Variants in ARHGAP29 observed in about 807,000 individuals in gnomAD.
ARHGAP29 encodes rho GTPase-activating protein 29.
In ARHGAP29, 43 loss-of-function variants were observed where a neutral mutation model predicts 122.6. The observed-to-expected ratio is 0.35, with a 90% confidence interval of 0.27 to 0.45. The LOEUF (loss-of-function observed/expected upper bound fraction) is 0.45, where lower values mean the gene tolerates loss of function less well. Ranked by LOEUF, ARHGAP29 falls within the 20% of genes least tolerant of loss-of-function variation. The pLI is 1.00. For synonymous variants in ARHGAP29, 506 were observed against 497.1 expected (o/e 1.02, Z -0.24); for missense variants, 1,303 against 1,477.2 (o/e 0.88, Z 1.93).
chr1:94,220,527 C>A (rs1230086231), intron 2 of ARHGAP29, 135 bp from the exon 3 acceptor site: 27 of 655,274 alleles, frequency 4.1e-5, no homozygotes, highest in Non-Finnish European at 6.0e-5. Flanking sequence ...TCATTTATAT[C>A]TTCACTGCTG....
At chr1:94,271,289 T>C (rs1378076115) in intron 1 of ARHGAP29, among the ~76,000 whole-genome samples, 4 of 152,208 alleles carry the variant, frequency 2.6e-5, no homozygotes, top group East Asian at 3.9e-4. Context: ...ATAAGCAAGA[T>C]GGAACCAAAG....
intron 1 of ARHGAP29, among the ~76,000 whole-genome samples, chr1:94,246,274 C>T (rs1409965353): frequency 6.6e-6 from 1 of 152,152 alleles, no homozygotes; most frequent in Non-Finnish European, 1.5e-5. Flanking sequence ...GAAATCACTA[C>T]AGAAAGGGAC....
At chr1:94,283,035 A>T in the ARHGAP29 span, among the ~76,000 whole-genome samples, 1 of 152,180 alleles carries the variant, frequency 6.6e-6, no homozygotes, top group Non-Finnish European at 1.5e-5. Context: ...CCAAGTTATA[A>T]AGTTTAGCAA....
At chr1:94,312,619 A>G in the ARHGAP29 span, among the ~76,000 whole-genome samples, 1 of 151,770 alleles carries the variant, frequency 6.6e-6, no homozygotes, top group Non-Finnish European at 1.5e-5. Context: ...TTTAGTACAG[A>G]CAGGGTTTCA....
intron 1 of ARHGAP29, chr1:94,249,264 C>G (rs943535276): frequency 6.6e-6 from 1 of 152,180 alleles, no homozygotes; most frequent in African/African-American, 2.4e-5. Flanking sequence ...AACAGACACA[C>G]AAACAAGAAA....
chr1:94,219,103 CGTA>C (rs1557869954), intron 3 of ARHGAP29, among the ~76,000 whole-genome samples: 1 of 152,086 alleles, frequency 6.6e-6, no homozygotes, highest in African/African-American at 2.4e-5. Context: ...GGTGCCTAGG[CGTA>C]CTTCTATCAC....
intron 2 of ARHGAP29, among the ~76,000 whole-genome samples, chr1:94,226,701 G>A (rs550119198): frequency 6.6e-6 from 1 of 151,410 alleles, no homozygotes; most frequent in African/African-American, 2.4e-5. Flanking sequence ...ACCGAGAACT[G>A]GTACAGGTGT....
At chr1:94,310,871 G>A in the ARHGAP29 span, among the ~76,000 whole-genome samples, 23 of 152,304 alleles carry the variant, frequency 1.5e-4, no homozygotes, top group East Asian at 3.5e-3. Flanking sequence ...TCATGAAAGG[G>A]AATCTTTCTT....
chr1:94,174,900 C>T, intron 22 of ARHGAP29, 151 bp from the exon 23 acceptor site: 2 of 891,638 alleles, frequency 2.2e-6, no homozygotes, highest in Non-Finnish European at 3.4e-6. Context: ...AGGAGTTAAA[C>T]ATTTGCACAG....
At chr1:94,246,508 C>G (rs140798353) in intron 1 of ARHGAP29, among the ~76,000 whole-genome samples, 292 of 152,238 alleles carry the variant, frequency 1.9e-3, no homozygotes, top group African/African-American at 6.3e-3. Context: ...CCCCTTCCCC[C>G]CGCCAACCCC....
chr1:94,263,102 A>G (rs1025643714), intron 1 of ARHGAP29, among the ~76,000 whole-genome samples: 9 of 152,208 alleles, frequency 5.9e-5, no homozygotes, highest in Admixed American at 3.3e-4. Flanking sequence ...AGGAACATGG[A>G]TGGAGCTGAA....
the ARHGAP29 span, among the ~76,000 whole-genome samples, chr1:94,298,868 C>T: frequency 6.6e-6 from 1 of 152,120 alleles, no homozygotes; most frequent in Non-Finnish European, 1.5e-5. Context: ...AAACTATAAA[C>T]ACAATGCTAC....
At chr1:94,194,915 A>G (rs1333444988) in intron 12 of ARHGAP29, 1 of 152,222 alleles carries the variant, frequency 6.6e-6, no homozygotes, top group Middle Eastern at 3.2e-3. Flanking sequence ...TCATTGGTCA[A>G]GCGATGTAGT....
At chr1:94,276,045 G>A (rs1289300896), upstream of ARHGAP29, among the ~76,000 whole-genome samples, 5 of 151,956 alleles carry the variant, frequency 3.3e-5, no homozygotes, top group African/African-American at 4.8e-5. Context: ...ATTACTTGAG[G>A]CCAGGAGTTC....
intron 1 of ARHGAP29, among the ~76,000 whole-genome samples, chr1:94,255,927 C>T (rs1401515099): frequency 6.6e-6 from 1 of 152,158 alleles, no homozygotes; most frequent in Admixed American, 6.5e-5. Flanking sequence ...ATAATATGAG[C>T]TCAATAAGCA....
chr1:94,254,188 A>G (rs1195463081), intron 1 of ARHGAP29, among the ~76,000 whole-genome samples: 6 of 152,220 alleles, frequency 3.9e-5, no homozygotes, highest in Admixed American at 3.9e-4. Flanking sequence ...AAGACCTTCA[A>G]AAATATTGAT....
chr1:94,296,156 T>A, the ARHGAP29 span, among the ~76,000 whole-genome samples: 1 of 152,226 alleles, frequency 6.6e-6, no homozygotes, highest in Non-Finnish European at 1.5e-5. Context: ...AGTTTTAAAT[T>A]GTGCACTATG....
intron 13 of ARHGAP29, 114 bp from the exon 14 acceptor site, chr1:94,189,466 AACTAAATATT>A: frequency 7.9e-7 from 1 of 1,266,200 alleles, no homozygotes; most frequent in Non-Finnish European, 1.0e-6. Flanking sequence ...AGAAGAATTA[AACTAAATATT>A]AAAAACAAAC....
At chr1:94,174,891 G>A (rs1557835347) in intron 22 of ARHGAP29, 142 bp from the exon 23 acceptor site, 1 of 950,416 alleles carries the variant, frequency 1.1e-6, no homozygotes, top group Non-Finnish European at 1.5e-6. Context: ...CCTATGTGGA[G>A]GAGTTAAACA....
Sources: allele counts gnomAD v4.1 joint callset (sites outside exome capture counted in the v4.1 genomes callset), GRCh38; gene constraint gnomAD v4.1.1; transcripts MANE v1.5; gene names NCBI Gene and HGNC (gene_info 2026-07-23, HGNC 2026-07-21).